ZFR2: variants seen among roughly 807,000 people sequenced by gnomAD.
ZFR2 encodes the protein zinc finger RNA-binding protein 2.
A neutral mutation model predicts 105.7 loss-of-function variants in ZFR2; 104 were observed. The ratio of observed to expected loss-of-function variants is 0.98; its 90% CI spans 0.84 to 1.16. The LOEUF is 1.16. Among genes scored for constraint, ZFR2 ranks in the 50% most tolerant of loss-of-function variants. The pLI is 0.00. For synonymous variants in ZFR2, 634 were observed against 597.7 expected (o/e 1.06, Z -0.89); for missense variants, 1,425 against 1,355.5 (o/e 1.05, Z -0.80).
At chr19:3,868,772 T>C (rs1287433860) in intron 1 of ZFR2, among the ~76,000 whole-genome samples, 193 bp downstream of exon 1, 1 of 151,922 alleles carries the variant, frequency 6.6e-6, no homozygotes, top group Non-Finnish European at 1.5e-5. Flanking sequence ...GGAGCCCGCA[T>C]CCCGCCCGGT....
rs751849368 is a variant in ZFR2 at position 3,834,864 on chromosome 19, C to A, written c.173G>T (p.Gly58Val). 1.2e-6 allele frequency: 2 copies of A among 1,611,516 alleles called. No individual in the cohort carries two copies. Among genetic ancestry groups the A allele is most frequent in the Non-Finnish European group, 1.7e-6 (2 of 1,179,040 alleles). The change falls in exon 2 of 19, where the codon GGT (glycine) becomes GTT (valine). Residue 58 changes from glycine to valine, a missense_variant. Transcript: ENST00000262961. The surrounding 1 kb of genome is among the most constrained non-coding windows in gnomAD (Gnocchi z 5.3). The stretch of plus-strand genomic sequence containing the variant: ...CTGGCCGGAGTGGGGCTGGTATCCA[C>A]CGTACCCTGCCGGGGCAGCTGGGGG... ...AFPPAAPAGY[G>V]GYQPHSGQDF...
At chr19:3,833,858 A>G (rs2038047346) in intron 2 of ZFR2, 80 bp from the exon 3 acceptor site, 4 of 1,083,540 alleles carry the variant, frequency 3.7e-6, no homozygotes, top group South Asian at 2.8e-5. Context: ...GCCCTGCCAC[A>G]CTGCACTCTG....
At chr19:3,821,543 T>C in intron 9 of ZFR2, 64 bp from the exon 10 acceptor site, 1 of 1,471,378 alleles carries the variant, frequency 6.8e-7, no homozygotes. Context: ...GCCAGGAGGA[T>C]CTTGGGGTGC....
At chr19:3,810,209 TGGA>T (rs2037746514) in intron 16 of ZFR2, among the ~76,000 whole-genome samples, 1 of 150,792 alleles carries the variant, frequency 6.6e-6, no homozygotes, top group Non-Finnish European at 1.5e-5. Flanking sequence ...TTGTGGCTGG[TGGA>T]GAAGGTGTGG....
At chr19:3,826,241 T>G (rs1248332984) in intron 6 of ZFR2, among the ~76,000 whole-genome samples, 1 of 152,004 alleles carries the variant, frequency 6.6e-6, no homozygotes, top group Non-Finnish European at 1.5e-5. Flanking sequence ...CTCAGCAAGC[T>G]GTCCTGAGCC....
At position 3,833,693 on chromosome 19, in the gene ZFR2, C is replaced by A. The variant is rs113017452; in HGVS notation, c.350G>T (p.Arg117Leu). Reference sequence around the variant, plus strand: ...CTGGCCGGAGTCTGCGGCTGTCATGCGCCCAGACTGGAGGGCAGCAGACTG... The same window carrying A: ...CTGGCCGGAGTCTGCGGCTGTCATGAGCCCAGACTGGAGGGCAGCAGACTG... ...YFQSAALQSG[R>L]MTAADSGQPG... is the part of the protein sequence containing the mutation. Residue 117 changes from arginine (R) to leucine (L), a missense_variant, in exon 3 of 19, where the codon CGC (arginine) becomes CTC (leucine). Physicochemically the swap from Arg to Leu is moderately radical, Grantham distance 102. Transcript: ENST00000262961. 3.8e-6 allele frequency: 6 copies of A among 1,571,258 alleles called. No individual in the cohort carries two copies. The highest frequency in any genetic ancestry group is 5.2e-6 in the Non-Finnish European group (6 of 1,158,400).
At chr19:3,867,310 G>GGCGT (rs2038444406) in intron 1 of ZFR2, among the ~76,000 whole-genome samples, 1 of 149,892 alleles carries the variant, frequency 6.7e-6, no homozygotes, top group Non-Finnish European at 1.5e-5. Flanking sequence ...CTGTTGGGGG[G>GGCGT]GGAATCTGGT....
chr19:3,828,101 C>G (rs967974544), intron 5 of ZFR2, among the ~76,000 whole-genome samples: 1 of 151,664 alleles, frequency 6.6e-6, no homozygotes, highest in Non-Finnish European at 1.5e-5. Context: ...ATGACAGGAG[C>G]GCACCACCGC....
chr19:3,811,443 G>T, intron 14 of ZFR2, 77 bp from the exon 15 acceptor site: 2 of 1,349,324 alleles, frequency 1.5e-6, no homozygotes, highest in Non-Finnish European at 2.0e-6. Context: ...GAGGGGCTCA[G>T]TTTGGGCCCC....
rs566970041 is a variant in ZFR2 at position 3,834,258 on chromosome 19, A to G, written c.265-480T>C. Reference sequence around the variant, plus strand: ...CACGGGGGACATCTTTGCGACACCAAGTGGGAACACGGTGGCTGGATCTGC... The same window carrying G: ...CACGGGGGACATCTTTGCGACACCAGGTGGGAACACGGTGGCTGGATCTGC... On this transcript the variant is annotated intron_variant, in intron 2 of 18. Transcript: ENST00000262961. This position sits in a 1 kb window ranked among gnomAD's most constrained non-coding sequence, Gnocchi z 5.3. 1.2e-3 allele frequency among the ~76,000 whole-genome samples: 184 copies of G among 152,254 alleles called. No individual in the cohort carries two copies. Among genetic ancestry groups the G allele is most frequent in the African/African-American group, 4.4e-3 (181 of 41,550 alleles).
chr19:3,855,424 C>G, intron 1 of ZFR2: 3 of 1,231,590 alleles, frequency 2.4e-6, no homozygotes, highest in Non-Finnish European at 3.0e-6. Flanking sequence ...GAAAGCAGTC[C>G]CGGGCGATCC....
At position 3,816,813 on chromosome 19, in the gene ZFR2, C is replaced by A. The variant is rs761527146; in HGVS notation, c.1964G>T (p.Gly655Val). The change falls in exon 13 of 19, where the codon GGC (glycine) becomes GTC (valine). Residue 655 changes from glycine (G) to valine (V), a missense_variant. Coordinates refer to ENST00000262961, the MANE Select transcript of ZFR2 (RefSeq NM_015174.2). ...CGCCAGGATGCCTACTCGCATGACG[C>A]CTTTCAGGACCCGAGTCTGGGGGGC... ...SVAPQTRVLK[G>V]VMRVGILAKG... 5 of 1,579,346 alleles carry A rather than the reference C, an allele frequency of 3.2e-6. No homozygotes were observed. The South Asian group carries it at 5.8e-5, about 18-fold the overall frequency.
chr19:3,807,236 T>G lies in ZFR2; in HGVS notation c.2579A>C (p.Asp860Ala), dbSNP rs1353361980. 6.4e-7 allele frequency: 1 copy of G among 1,561,382 alleles called. No homozygotes were observed. The highest frequency in any genetic ancestry group is 8.7e-7 in the Non-Finnish European group (1 of 1,152,096). ...GPGLQDPCER[D>A]QTDALEPMTL... ...CATGGGCTCGAGGGCATCTGTCTGG[T>G]CTCTCTCGCAGGGATCCTGGAGCCC... Residue 860 changes from aspartate (D) to alanine (A), a missense_variant, in exon 18 of 19, where the codon GAC becomes GCC. Asp to Ala is a moderately radical substitution (Grantham distance 126, BLOSUM62 -2). Transcript: ENST00000262961.
At chr19:3,832,362 A>AC (rs1473581984) in intron 3 of ZFR2, among the ~76,000 whole-genome samples, 2 of 150,392 alleles carry the variant, frequency 1.3e-5, no homozygotes, top group African/African-American at 4.9e-5. Context: ...TTGCTTTGTC[A>AC]CCAGGTTGGA....
At chr19:3,850,404 G>A (rs1303642038) in intron 1 of ZFR2, among the ~76,000 whole-genome samples, 2 of 152,024 alleles carry the variant, frequency 1.3e-5, no homozygotes, top group African/African-American at 4.8e-5. Flanking sequence ...CCTCAGCCAT[G>A]AGGAGCCACC....
At chr19:3,862,862 TC>T (rs1212240273) in intron 1 of ZFR2, among the ~76,000 whole-genome samples, 1 of 151,920 alleles carries the variant, frequency 6.6e-6, no homozygotes, top group African/African-American at 2.4e-5. Context: ...AGGGGCAAGT[TC>T]CCCCCTCGCT....
At chr19:3,832,568 C>T (rs541527707) in intron 3 of ZFR2, among the ~76,000 whole-genome samples, 2 of 152,012 alleles carry the variant, frequency 1.3e-5, no homozygotes, top group African/African-American at 2.4e-5. Flanking sequence ...GATCCACCCG[C>T]CTCTGCCTCG....
chr19:3,819,720 C>T (rs34678131), intron 11 of ZFR2, among the ~76,000 whole-genome samples: 1 of 151,832 alleles, frequency 6.6e-6, no homozygotes, highest in African/African-American at 2.4e-5. Context: ...GGCGTGGTGG[C>T]GGGCGCCCAT....
intron 12 of ZFR2, 139 bp downstream of exon 12, chr19:3,818,906 C>T: frequency 9.2e-7 from 1 of 1,087,380 alleles, no homozygotes; most frequent in Non-Finnish European, 1.3e-6. Flanking sequence ...ACTTCCTACT[C>T]CTGGGGCTGG....
Sources: allele counts gnomAD v4.1 joint callset (sites outside exome capture counted in the v4.1 genomes callset), GRCh38; gene constraint gnomAD v4.1.1; non-coding constraint Gnocchi (gnomAD v3.1); transcripts MANE v1.5; gene names NCBI Gene and HGNC (gene_info 2026-07-23, HGNC 2026-07-21).